SNX29: variants seen among roughly 807,000 people sequenced by gnomAD.
SNX29 encodes the protein sorting nexin-29.
In SNX29, 78 loss-of-function variants were observed where a neutral mutation model predicts 102.1. The observed-to-expected ratio is 0.76, with a 90% confidence interval of 0.64 to 0.92. SNX29 has a LOEUF of 0.92. Ranked by LOEUF, SNX29 falls within the 40% of genes least tolerant of loss-of-function variation. SNX29 has a pLI of 0.00. For synonymous variants in SNX29, 580 were observed against 414.5 expected (o/e 1.40, Z -4.85); for missense variants, 1,280 against 1,061.7 (o/e 1.21, Z -2.86).
At chr16:12,165,641 A>C (rs571580299) in intron 13 of SNX29, among the ~76,000 whole-genome samples, 5 of 152,268 alleles carry the variant, frequency 3.3e-5, no homozygotes, top group Non-Finnish European at 5.9e-5. Flanking sequence ...GCCCACTGCA[A>C]CCTCTGCCTC....
At chr16:12,214,848 A>G (rs564275059) in intron 14 of SNX29, among the ~76,000 whole-genome samples, 1 of 152,292 alleles carries the variant, frequency 6.6e-6, no homozygotes, top group South Asian at 2.1e-4. Flanking sequence ...GGTCACTCCC[A>G]GGTCTATTGC....
chr16:11,983,292 A>C (rs1401673496), intron 1 of SNX29, among the ~76,000 whole-genome samples: 2 of 105,878 alleles, frequency 1.9e-5, no homozygotes, highest in Admixed American at 1.2e-4. Context: ...ACCCAGGTTT[A>C]TCTGGTACTC....
chr16:12,531,817 G>A (rs900797360), intron 20 of SNX29, among the ~76,000 whole-genome samples: 1 of 152,204 alleles, frequency 6.6e-6, no homozygotes, highest in Non-Finnish European at 1.5e-5. Context: ...CAGAGTGAAC[G>A]TCTTCTAGGA....
intron 3 of SNX29, among the ~76,000 whole-genome samples, chr16:12,013,503 ATATATATAT>A (rs1567525937): frequency 0.12 from 6,935 of 56,608 alleles, 1,405 homozygotes; most frequent in East Asian, 0.15. Flanking sequence ...AAAAAAAAAT[ATATATATAT>A]ATATATATAT....
chr16:12,061,697 G>C, intron 9 of SNX29, 51 bp downstream of exon 9: 1 of 1,486,026 alleles, frequency 6.7e-7, no homozygotes, highest in South Asian at 1.2e-5. Flanking sequence ...TTGGCTTCGA[G>C]AACCAGCAGG....
chr16:12,179,137 A>C (rs2076326257), intron 13 of SNX29, among the ~76,000 whole-genome samples: 1 of 149,590 alleles, frequency 6.7e-6, no homozygotes, highest in Non-Finnish European at 1.5e-5. Flanking sequence ...GATATCTATA[A>C]GGTTTTAGAA....
chr16:12,046,945 T>A (rs1267610696), intron 6 of SNX29, among the ~76,000 whole-genome samples: 1 of 152,196 alleles, frequency 6.6e-6, no homozygotes, highest in African/African-American at 2.4e-5. Context: ...TTATCTAGAA[T>A]GGGAGACCCT....
intron 18 of SNX29, among the ~76,000 whole-genome samples, chr16:12,444,672 C>G (rs1161781788): frequency 1.3e-5 from 2 of 152,086 alleles, no homozygotes; most frequent in Non-Finnish European, 2.9e-5. Context: ...TCTCCATGGC[C>G]TCCAAGCCTC....
chr16:12,545,829 T>G (rs545755936), intron 20 of SNX29, among the ~76,000 whole-genome samples: 24 of 151,934 alleles, frequency 1.6e-4, no homozygotes, highest in African/African-American at 4.1e-4. Context: ...TCCAGACCTG[T>G]GGGGGAGGGG....
At chr16:12,560,425 G>T (rs781408420) in intron 20 of SNX29, among the ~76,000 whole-genome samples, 1 of 152,126 alleles carries the variant, frequency 6.6e-6, no homozygotes, top group Non-Finnish European at 1.5e-5. Context: ...CTGTCCTGTA[G>T]GCATCCATGT....
intron 15 of SNX29, among the ~76,000 whole-genome samples, chr16:12,285,618 T>G (rs1208852123): frequency 6.6e-6 from 1 of 152,120 alleles, no homozygotes; most frequent in African/African-American, 2.4e-5. Flanking sequence ...GTGTAAAAAT[T>G]CCGGAAGCAG....
chr16:12,550,313 G>C (rs1397459678), intron 20 of SNX29, among the ~76,000 whole-genome samples: 1 of 152,088 alleles, frequency 6.6e-6, no homozygotes, highest in East Asian at 1.9e-4. Context: ...AAGGTGGTTG[G>C]GTCACCTGAG....
intron 14 of SNX29, among the ~76,000 whole-genome samples, chr16:12,259,137 T>C (rs1273672993): frequency 6.6e-6 from 1 of 152,164 alleles, no homozygotes; most frequent in African/African-American, 2.4e-5. Context: ...TCCGGGAAGT[T>C]GTCTAGGCTG....
intron 19 of SNX29, among the ~76,000 whole-genome samples, chr16:12,494,777 G>A (rs11860733): frequency 6.6e-6 from 1 of 152,110 alleles, no homozygotes; most frequent in Non-Finnish European, 1.5e-5. Context: ...AAAATGGGAA[G>A]TGTTTTGTGT....
At chr16:12,135,927 A>G (rs570635740) in intron 13 of SNX29, among the ~76,000 whole-genome samples, 2 of 152,312 alleles carry the variant, frequency 1.3e-5, no homozygotes, top group South Asian at 4.1e-4. Context: ...TGGTGGAGAA[A>G]GTGTTCCTCG....
At chr16:12,290,766 G>A (rs1008810938) in intron 15 of SNX29, among the ~76,000 whole-genome samples, 9 of 152,156 alleles carry the variant, frequency 5.9e-5, no homozygotes, top group African/African-American at 2.2e-4. Flanking sequence ...GAAAGTAGAG[G>A]TAATGAGTGT....
At chr16:12,050,197 A>C (rs1485659963) in intron 7 of SNX29, among the ~76,000 whole-genome samples, 3 of 152,134 alleles carry the variant, frequency 2.0e-5, no homozygotes, top group African/African-American at 7.2e-5. Flanking sequence ...TCTGCTTTTG[A>C]GGTGATCTCA....
intron 18 of SNX29, among the ~76,000 whole-genome samples, chr16:12,456,212 A>G (rs2086531379): frequency 6.6e-6 from 1 of 152,224 alleles, no homozygotes; most frequent in South Asian, 2.1e-4. Flanking sequence ...ATAAAATCTT[A>G]AAATGTGCAG....
intron 19 of SNX29, among the ~76,000 whole-genome samples, chr16:12,484,799 C>G (rs2088145528): frequency 6.6e-6 from 1 of 152,206 alleles, no homozygotes; most frequent in African/African-American, 2.4e-5. Flanking sequence ...CAGTCACTCT[C>G]TGGCCCTTTC....
Sources: allele counts gnomAD v4.1 joint callset (sites outside exome capture counted in the v4.1 genomes callset), GRCh38; gene constraint gnomAD v4.1.1; transcripts MANE v1.5; gene names NCBI Gene and HGNC (gene_info 2026-07-23, HGNC 2026-07-21).